Variants in WASF2 observed in about 807,000 individuals in gnomAD.
The protein encoded by WASF2 is actin-binding protein WASF2.
A neutral mutation model predicts 45.0 loss-of-function variants in WASF2; 14 were observed. The ratio of observed to expected loss-of-function variants is 0.31; its 90% confidence interval spans 0.21 to 0.49. The LOEUF (loss-of-function observed/expected upper bound fraction) is 0.49, where lower values mean the gene tolerates loss of function less well. Among genes scored for constraint, WASF2 ranks in the 20% least tolerant of loss-of-function variants. The pLI, the probability that WASF2 is intolerant of heterozygous loss-of-function variation, is 0.99. For missense variants in WASF2, 439 were observed against 636.1 expected, an observed-to-expected ratio of 0.69 and a Z score of 3.33; for synonymous variants, 200 against 236.3, an observed-to-expected ratio of 0.85 and a Z score of 1.41.
At position 27,414,697 on chromosome 1, in the gene WASF2, G is replaced by T; in HGVS notation, c.668+136C>A. 1 of 1,162,026 alleles carries T rather than the reference G, an allele frequency of 8.6e-7. No homozygotes were observed. Among genetic ancestry groups the T allele is most frequent in the Non-Finnish European group, 1.2e-6 (1 of 831,006 alleles). 72.0% of individuals were successfully genotyped at this position (1,162,026 alleles called of 1,614,324 possible). ...CACCAGATGGATGCACTTTAAAGTA[G>T]CTGATTAACAGTGGTATTGATCTAA... On this transcript the variant is annotated intron_variant, in intron 6 of 8. Transcript: ENST00000618852. The surrounding 1 kb of genome is among the most constrained non-coding windows in gnomAD (Gnocchi z 4.1).
chr1:27,418,320 G>A lies in WASF2; in HGVS notation c.368C>T (p.Thr123Ile). Residue 123 changes from threonine to isoleucine, a missense_variant, in exon 4 of 9, where the codon ACA (threonine) becomes ATA (isoleucine). By Grantham distance (89) the Thr-to-Ile change is moderately conservative. Transcript: ENST00000618852. ...GGGAGGAGTATCACAGGTATTGTAT[G>A]TTTCTAAGACAGGCACTGGGAGAGA... ...RNSLPVPVLETYNTCDTPPPL... is the reference protein window; with the variant it reads ...RNSLPVPVLEIYNTCDTPPPL... 1 of 1,614,198 alleles carries A rather than the reference G, an allele frequency of 6.2e-7. No homozygotes were observed. Among genetic ancestry groups the A allele is most frequent in the Non-Finnish European group, 8.5e-7 (1 of 1,180,006 alleles).
chr1:27,483,662 G>A (rs543965521), intron 1 of WASF2, among the ~76,000 whole-genome samples: 1 of 151,750 alleles, frequency 6.6e-6, no homozygotes, highest in Non-Finnish European at 1.5e-5. Flanking sequence ...CAAAAAGGGG[G>A]TGAGGGGTCT....
intron 7 of WASF2, 56 bp downstream of exon 7, chr1:27,412,516 T>G: frequency 6.2e-7 from 1 of 1,605,014 alleles, no homozygotes; most frequent in South Asian, 1.1e-5. Context: ...TGGTCCATTC[T>G]TTTGTTCTCA....
intron 1 of WASF2, 93 bp from the exon 2 acceptor site, chr1:27,429,026 A>C (rs1233011215): frequency 1.2e-5 from 13 of 1,049,090 alleles, no homozygotes; most frequent in Admixed American, 3.2e-5. Flanking sequence ...TTTTGGTCTT[A>C]CCCTGATCTA....
Position 27,467,826 on chromosome 1 carries a change from C to T in WASF2, c.-44+22160G>A, listed in dbSNP as rs561911121. Reference sequence around the variant, plus strand: ...ACTGGGGAGGCTGAGGCAGGAGAATCGCTTGAACCCAGGAGGCGGAGGTTG... The same window carrying T: ...ACTGGGGAGGCTGAGGCAGGAGAATTGCTTGAACCCAGGAGGCGGAGGTTG... On this transcript the variant is annotated intron_variant, in intron 1 of 8. Coordinates refer to ENST00000618852, the MANE Select transcript of WASF2 (RefSeq NM_006990.5). 7.9e-5 allele frequency among the ~76,000 whole-genome samples: 12 copies of T among 151,934 alleles called. No homozygotes were observed. The South Asian group carries it at 2.5e-3, about 32-fold the overall frequency.
In WASF2 at chr1:27,428,867, G is replaced by A. The variant is rs768058989; in HGVS notation, c.24C>T (p.Ile8=). 21 of 1,613,992 alleles carry A rather than the reference G, an allele frequency of 1.3e-5. No homozygotes were observed. Among genetic ancestry groups the A allele is most frequent in the Middle Eastern group, 3.3e-4 (2 of 6,080 alleles). Residue 8 remains isoleucine, a synonymous_variant, in exon 2 of 9, where the codon ATC becomes ATT. Coordinates refer to ENST00000618852, the MANE Select transcript of WASF2 (RefSeq NM_006990.5). MPLVTRN[I]EPRHLCRQTL... is the part of the protein sequence containing the mutation. ...TCTGACGGCACAGGTGCCTTGGCTCGATGTTCCTCGTTACTAACGGCATGG... is the reference window on the plus strand; with the variant it reads ...TCTGACGGCACAGGTGCCTTGGCTCAATGTTCCTCGTTACTAACGGCATGG...
intron 5 of WASF2, among the ~76,000 whole-genome samples, chr1:27,415,569 C>T (rs1024115526): frequency 6.6e-6 from 1 of 152,140 alleles, no homozygotes; most frequent in Non-Finnish European, 1.5e-5. Flanking sequence ...CCGCCCAGCC[C>T]GTAGCGAAGG....
intron 1 of WASF2, among the ~76,000 whole-genome samples, chr1:27,472,650 CA>C (rs1206351562): frequency 1.2e-3 from 71 of 59,236 alleles, no homozygotes; most frequent in South Asian, 4.8e-3. Context: ...ACCCCGTCTC[CA>C]AAAAAAAAAA....
intron 1 of WASF2, among the ~76,000 whole-genome samples, chr1:27,466,527 C>T (rs555759588): frequency 2.0e-5 from 3 of 152,272 alleles, no homozygotes; most frequent in East Asian, 3.9e-4. Context: ...CACTCCAAAC[C>T]GATATGTGCC....
intron 2 of WASF2, among the ~76,000 whole-genome samples, chr1:27,420,803 A>T (rs2016898436): frequency 6.6e-6 from 1 of 152,016 alleles, no homozygotes; most frequent in Non-Finnish European, 1.5e-5. Flanking sequence ...GATTACATGC[A>T]TGAGCCACCA....
intron 1 of WASF2, among the ~76,000 whole-genome samples, chr1:27,486,040 C>T (rs1421311801): frequency 1.3e-5 from 2 of 152,168 alleles, no homozygotes; most frequent in Admixed American, 6.6e-5. Context: ...TAGAGATCTA[C>T]AGTCCCTTCA....
chr1:27,479,129 A>G lies in WASF2; in HGVS notation c.-44+10857T>C, dbSNP rs538335525. On this transcript the variant is annotated intron_variant, in intron 1 of 8. Transcript: ENST00000618852. The stretch of plus-strand genomic sequence containing the variant: ...GTGAAACCCCGTCTCTACTAAAAAT[A>G]CAAAAAATTAGCCAGGCGTGGTGGC... Among the ~76,000 whole-genome samples the G allele has an allele frequency of 4.6e-5, 7 of 152,030 alleles. No individual in the cohort carries two copies. In the South Asian group the frequency reaches 1.5e-3, roughly 32 times the overall value.
intron 2 of WASF2, among the ~76,000 whole-genome samples, chr1:27,420,845 G>C (rs1056363412): frequency 6.6e-6 from 1 of 151,992 alleles, no homozygotes; most frequent in African/African-American, 2.4e-5. Flanking sequence ...CTTCTTGCAA[G>C]GTGAAGGCAC....
intron 1 of WASF2, among the ~76,000 whole-genome samples, chr1:27,461,463 T>TA (rs1174937622): frequency 6.7e-6 from 1 of 148,188 alleles, no homozygotes; most frequent in Non-Finnish European, 1.5e-5. Context: ...CTTCAGCATT[T>TA]TTTTTTTTTT....
Position 27,410,330 on chromosome 1 carries a change from CA to C in WASF2, c.825-125del. On this transcript the variant is annotated intron_variant, in intron 7 of 8. Coordinates refer to ENST00000618852, the MANE Select transcript of WASF2 (RefSeq NM_006990.5). This position sits in a 1 kb window ranked among gnomAD's most constrained non-coding sequence, Gnocchi z 4.2. ...CTATACCATTTCACTTTCACTTAAA[CA>C]GAAAGAAAAGCCTACAGATGGTCAT... 3 of 1,469,326 alleles carry C rather than the reference CA, an allele frequency of 2.0e-6. No homozygotes were observed. In the South Asian group the frequency reaches 4.2e-5, roughly 21 times the overall value. The allele number at this position is 1,469,326 out of a possible 1,614,324, so 91.0% of individuals were successfully genotyped here. A position where few individuals can be genotyped will look rare whatever the true frequency, so the allele number is the denominator to read the frequency against.
chr1:27,423,429 G>A (rs1162807407), intron 2 of WASF2, among the ~76,000 whole-genome samples: 4 of 152,160 alleles, frequency 2.6e-5, no homozygotes, highest in African/African-American at 4.8e-5. Flanking sequence ...CAAGTGATCC[G>A]CCTTGGCCTC....
rs149705388 is a variant in WASF2, at chr1:27,412,656, G to A, written c.740C>T (p.Pro247Leu). Residue 247 changes from proline to leucine, a missense_variant, in exon 7 of 9, where the codon CCG becomes CTG. By Grantham distance (98) the Pro-to-Leu change is moderately conservative. Around this residue, in one of 5 missense-constraint regions of WASF2, gnomAD observed 286 missense variants for 373.5 expected, o/e 0.77. Transcript: ENST00000618852. ...AGCAGAGTCTGACTGTGGTGGTGGCGGATAGCTACTTGCATCCACGTTTTC... is the reference window on the plus strand; with the variant it reads ...AGCAGAGTCTGACTGTGGTGGTGGCAGATAGCTACTTGCATCCACGTTTTC... ...CVENVDASSY[P>L]PPPQSDSASS... is the part of the protein sequence containing the mutation. The A allele has an allele frequency of 1.4e-3, 2,208 of 1,614,176 alleles. 8 individuals are homozygous for A. Among genetic ancestry groups the A allele is most frequent in the Middle Eastern group, 5.6e-3 (34 of 6,062 alleles).
Position 27,414,353 on chromosome 1 carries a change from T to A in WASF2, c.668+480A>T, listed in dbSNP as rs1192296103. 1.3e-5 allele frequency among the ~76,000 whole-genome samples: 2 copies of A among 152,226 alleles called. No individual in the cohort carries two copies. Among genetic ancestry groups the A allele is most frequent in the Non-Finnish European group, 2.9e-5 (2 of 68,040 alleles). ...CACTGTCTATGAGGTCTGCATTCAG[T>A]CCCTTGGCTAGCTTCTCTCCCATGA... On this transcript the variant is annotated intron_variant, in intron 6 of 8. Transcript: ENST00000618852. This position sits in a 1 kb window ranked among gnomAD's most constrained non-coding sequence, Gnocchi z 4.1.
intron 1 of WASF2, among the ~76,000 whole-genome samples, chr1:27,450,347 T>C (rs1057305264): frequency 1.3e-5 from 2 of 152,128 alleles, no homozygotes; most frequent in Non-Finnish European, 2.9e-5. Context: ...TCCAAAGAAA[T>C]ACAGGGTGTT....
Sources: gnomAD v4.1 joint callset for allele counts (sites outside exome capture counted in the v4.1 genomes callset) on GRCh38, gnomAD v4.1.1 for gene constraint, gnomAD v4.1.1 regional missense constraint, Gnocchi (gnomAD v3.1) non-coding constraint, MANE v1.5 for transcripts, NCBI Gene and HGNC (gene_info 2026-07-23, HGNC 2026-07-21) for gene names.